Variants in UBAP2 observed in about 807,000 individuals in gnomAD.
UBAP2 encodes the protein ubiquitin-associated protein 2.
In UBAP2, 75 loss-of-function variants were observed where a neutral mutation model predicts 139.6. That is an observed-to-expected ratio of 0.54 (90% CI 0.45 to 0.65). UBAP2 has a LOEUF of 0.65. Ranked by LOEUF, UBAP2 falls within the 30% of genes least tolerant of loss-of-function variation. The pLI is 0.00. For missense variants in UBAP2, 1,368 were observed against 1,369.6 expected (o/e 1.00, Z 0.02); for synonymous variants, 526 against 526.2 (o/e 1.00, Z 0.01).
intron 2 of UBAP2, 28 bp downstream of exon 2, chr9:34,017,022 A>C: frequency 6.5e-7 from 1 of 1,534,394 alleles, no homozygotes; most frequent in Non-Finnish European, 8.8e-7. Context: ...AAAAGGAAAA[A>C]AAAAAAAAGA....
chr9:33,963,875 C>A, intron 8 of UBAP2, 84 bp from the exon 9 acceptor site: 1 of 992,852 alleles, frequency 1.0e-6, no homozygotes, highest in Non-Finnish European at 1.6e-6. Flanking sequence ...ACTGTCAAAG[C>A]TATGTATATG....
rs1299581489 is a variant in UBAP2, at chr9:33,948,537, T to C, written c.1107A>G (p.Ala369=). ...CCAAAATCTGGGAGCTGGTGATGTT[T>C]GCCATTTTTGGTGGTGCAAGCTCTC... The part of the protein sequence containing the change: ...GFGELAPPKM[A]NITSSQILDQ... Residue 369 remains alanine (A), a synonymous_variant, in exon 13 of 29, where the codon GCA becomes GCG. Transcript: ENST00000379238. 1 of 1,614,184 alleles carries C rather than the reference T, an allele frequency of 6.2e-7. No homozygotes were observed. Among genetic ancestry groups the C allele is most frequent in the South Asian group, 1.1e-5 (1 of 91,088 alleles).
intron 2 of UBAP2, among the ~76,000 whole-genome samples, chr9:34,016,238 GGGAGGA>G (rs1824262599): frequency 1.4e-5 from 1 of 72,794 alleles, no homozygotes; most frequent in Non-Finnish European, 3.1e-5. Context: ...GAAGAGGAAG[GGGAGGA>G]AGAGGAGGAG....
At chr9:33,933,397 C>G (rs1359395957) in intron 18 of UBAP2, 93 bp downstream of exon 18, 34 of 1,403,644 alleles carry the variant, frequency 2.4e-5, no homozygotes, top group Non-Finnish European at 3.2e-5. Context: ...TCAGAGACAA[C>G]AAGTGTGCTC....
At chr9:34,000,408 G>A (rs1370742301) in intron 2 of UBAP2, among the ~76,000 whole-genome samples, 2 of 152,162 alleles carry the variant, frequency 1.3e-5, no homozygotes, top group Non-Finnish European at 1.5e-5. Flanking sequence ...TTATTCTTCT[G>A]TGGCGTGACT....
At chr9:34,032,794 C>T (rs1346033511) in intron 1 of UBAP2, among the ~76,000 whole-genome samples, 1 of 151,850 alleles carries the variant, frequency 6.6e-6, no homozygotes, top group Non-Finnish European at 1.5e-5. Context: ...CGTGGTTGCA[C>T]GCACCTGTAA....
chr9:34,046,451 G>A (rs989719972), intron 1 of UBAP2, among the ~76,000 whole-genome samples: 4 of 151,850 alleles, frequency 2.6e-5, no homozygotes, highest in African/African-American at 4.8e-5. Flanking sequence ...AGACCATCCC[G>A]GCTAACACAG....
At chr9:33,994,601 T>C (rs1487876498) in intron 4 of UBAP2, 1 of 151,772 alleles carries the variant, frequency 6.6e-6, no homozygotes, top group East Asian at 1.9e-4. Context: ...AAACCCAGGA[T>C]ACTTAGTCCC....
Position 33,941,707 on chromosome 9 carries a change from T to C in UBAP2, c.1871A>G (p.Asn624Ser), listed in dbSNP as rs754355229. The C allele has an allele frequency of 2.5e-6, 4 of 1,614,056 alleles. No individual in the cohort carries two copies. The highest frequency in any genetic ancestry group is 3.4e-6 in the Non-Finnish European group (4 of 1,180,034). The change falls in exon 16 of 29, where the codon AAC becomes AGC. Residue 624 changes from asparagine (N) to serine (S), a missense_variant. Coordinates refer to ENST00000379238, the MANE Select transcript of UBAP2 (RefSeq NM_001370062.2). ...CACAGGGCTTTGGTATGGGATCCTG[T>C]TATGCACAGAACTCTGGTCATAAGA... ...SSSYDQSSVH[N>S]RIPYQSPVSS...
chr9:34,012,567 T>C (rs2131257129), intron 2 of UBAP2, among the ~76,000 whole-genome samples: 1 of 147,574 alleles, frequency 6.8e-6, no homozygotes, highest in Admixed American at 6.8e-5. Context: ...ATTGAAAAAA[T>C]ATAAGTATGG....
At chr9:34,002,280 T>C (rs904775135) in intron 2 of UBAP2, among the ~76,000 whole-genome samples, 1 of 151,950 alleles carries the variant, frequency 6.6e-6, no homozygotes, top group African/African-American at 2.4e-5. Context: ...AAAAACAGAA[T>C]ACTTAACATA....
At chr9:33,952,516 TA>T (rs936943064) in intron 12 of UBAP2, among the ~76,000 whole-genome samples, 9 of 152,068 alleles carry the variant, frequency 5.9e-5, no homozygotes, top group African/African-American at 2.2e-4. Context: ...TTTACGGTCT[TA>T]GGGGGAAAAA....
chr9:33,926,568 T>C (rs745729444), intron 22 of UBAP2, 49 bp downstream of exon 22: 2 of 1,602,730 alleles, frequency 1.2e-6, no homozygotes, highest in South Asian at 2.2e-5. Flanking sequence ...AGGGGGGACA[T>C]GTAAAAGATT....
intron 19 of UBAP2, among the ~76,000 whole-genome samples, chr9:33,931,816 C>T (rs1343854610): frequency 6.6e-6 from 1 of 152,166 alleles, no homozygotes; most frequent in African/African-American, 2.4e-5. Context: ...AATCCTTCCT[C>T]CCAGCCTGTG....
chr9:33,988,875 T>G, intron 5 of UBAP2, 98 bp downstream of exon 5: 4 of 1,333,546 alleles, frequency 3.0e-6, no homozygotes, highest in Non-Finnish European at 4.1e-6. Flanking sequence ...CTGAGCGCAG[T>G]GACTCATGCC....
chr9:34,018,934 C>T (rs559234215), intron 1 of UBAP2, among the ~76,000 whole-genome samples: 2 of 151,382 alleles, frequency 1.3e-5, no homozygotes, highest in South Asian at 4.2e-4. Flanking sequence ...TCATAATAGC[C>T]AAAAAGTGGA....
chr9:34,020,621 G>T (rs538472137), intron 1 of UBAP2, among the ~76,000 whole-genome samples: 1 of 151,278 alleles, frequency 6.6e-6, no homozygotes, highest in East Asian at 2.0e-4. Flanking sequence ...CCACTGAGCC[G>T]GCCCAGAGCC....
At chr9:34,002,410 G>A (rs1041132797) in intron 2 of UBAP2, among the ~76,000 whole-genome samples, 2 of 132,710 alleles carry the variant, frequency 1.5e-5, no homozygotes, top group African/African-American at 2.9e-5. Flanking sequence ...ACAGAGTCTC[G>A]CTCTGTCGCC....
chr9:34,004,912 T>A (rs1823054223), intron 2 of UBAP2, among the ~76,000 whole-genome samples: 1 of 151,484 alleles, frequency 6.6e-6, no homozygotes, highest in Non-Finnish European at 1.5e-5. Context: ...GAGACCCCCA[T>A]CTCTGTAAAA....
Sources: allele counts gnomAD v4.1 joint callset (sites outside exome capture counted in the v4.1 genomes callset), GRCh38; gene constraint gnomAD v4.1.1; transcripts MANE v1.5; gene names NCBI Gene and HGNC (gene_info 2026-07-23, HGNC 2026-07-21).